NUDCD1: variants seen among roughly 807,000 people sequenced by gnomAD.
NUDCD1 encodes nudC domain-containing protein 1.
In NUDCD1, 60 loss-of-function variants were observed where a neutral mutation model predicts 67.8. The ratio of observed to expected loss-of-function variants is 0.88; its 90% CI spans 0.72 to 1.10. The LOEUF (loss-of-function observed/expected upper bound fraction) is 1.10, where lower values mean the gene tolerates loss of function less well. Among genes scored for constraint, NUDCD1 ranks in the 50% least tolerant of loss-of-function variants. The pLI is 0.00. For missense variants in NUDCD1, 643 were observed against 695.0 expected, an observed-to-expected ratio of 0.93 and a Z score of 0.84; for synonymous variants, 244 against 230.8, an observed-to-expected ratio of 1.06 and a Z score of -0.52.
At chr8:109,302,615 C>A (rs192479175) in intron 2 of NUDCD1, among the ~76,000 whole-genome samples, 64 of 152,298 alleles carry the variant, frequency 4.2e-4, no homozygotes, top group Admixed American at 2.6e-3. Context: ...AGCCCTCCCC[C>A]ACCTGCCCAA....
At chr8:109,294,202 G>A (rs77715514) in intron 3 of NUDCD1, among the ~76,000 whole-genome samples, 1 of 63,522 alleles carries the variant, frequency 1.6e-5, no homozygotes, top group African/African-American at 3.9e-5. Flanking sequence ...TTGAGAAAAA[G>A]CCTAACTGAA....
At chr8:109,271,247 T>A in intron 7 of NUDCD1, 117 bp from the exon 8 acceptor site, 2 of 610,944 alleles carry the variant, frequency 3.3e-6, no homozygotes, top group Non-Finnish European at 5.6e-6. Flanking sequence ...TGCAAACCTA[T>A]GACCAATAAA....
At chr8:109,268,202 A>G (rs935198780) in intron 8 of NUDCD1, among the ~76,000 whole-genome samples, 72 of 152,266 alleles carry the variant, frequency 4.7e-4, no homozygotes, top group African/African-American at 1.7e-3. Flanking sequence ...GCTTTTATAA[A>G]TTCCTGAGGA....
intron 1 of NUDCD1, among the ~76,000 whole-genome samples, chr8:109,330,349 T>C (rs1815778086): frequency 6.6e-6 from 1 of 152,212 alleles, no homozygotes; most frequent in Non-Finnish European, 1.5e-5. Flanking sequence ...CATCTTTACA[T>C]CTTAAATGCA....
At chr8:109,294,341 T>C (rs528096058) in intron 3 of NUDCD1, among the ~76,000 whole-genome samples, 2 of 152,208 alleles carry the variant, frequency 1.3e-5, no homozygotes, top group South Asian at 4.1e-4. Context: ...AAGTTCCCTA[T>C]GTATTTGAAC....
intron 7 of NUDCD1, among the ~76,000 whole-genome samples, chr8:109,273,072 G>T (rs1814195332): frequency 6.6e-6 from 1 of 152,180 alleles, no homozygotes; most frequent in African/African-American, 2.4e-5. Flanking sequence ...CAAGGAAATT[G>T]CAGAGAAAAG....
At chr8:109,314,147 T>C (rs1050339013) in intron 2 of NUDCD1, among the ~76,000 whole-genome samples, 2 of 152,178 alleles carry the variant, frequency 1.3e-5, no homozygotes, top group African/African-American at 4.8e-5. Flanking sequence ...CAACACTTTA[T>C]ATGCTAACTG....
chr8:109,326,105 T>C (rs1815675949), intron 1 of NUDCD1, among the ~76,000 whole-genome samples: 1 of 152,222 alleles, frequency 6.6e-6, no homozygotes. Flanking sequence ...TAGACAACGA[T>C]ATAACAAATA....
intron 1 of NUDCD1, among the ~76,000 whole-genome samples, chr8:109,323,062 CATTAGCTGCTTCCCTAGGTTTAA>C (rs1815580217): frequency 6.6e-6 from 1 of 152,178 alleles, no homozygotes; most frequent in Non-Finnish European, 1.5e-5. Context: ...TTCACTTAAG[CATTAGCTGCTTCCCTAGGTTTAA>C]ATCTAGCAAA....
intron 1 of NUDCD1, 145 bp from the exon 2 acceptor site, chr8:109,322,608 AAGAT>A: frequency 1.8e-6 from 1 of 568,308 alleles, no homozygotes; most frequent in Non-Finnish European, 3.2e-6. Flanking sequence ...CATTCTTTCA[AAGAT>A]AATTTCTGGG....
intron 2 of NUDCD1, among the ~76,000 whole-genome samples, chr8:109,319,284 T>G (rs768401125): frequency 2.0e-5 from 3 of 152,184 alleles, no homozygotes; most frequent in Non-Finnish European, 4.4e-5. Flanking sequence ...ATTTTATGTT[T>G]TTGTAAATAA....
intron 2 of NUDCD1, among the ~76,000 whole-genome samples, chr8:109,308,832 C>T (rs1239679824): frequency 6.6e-6 from 1 of 151,692 alleles, no homozygotes; most frequent in Non-Finnish European, 1.5e-5. Flanking sequence ...ATTAGCCAGG[C>T]ATGGTGGCAG....
Position 109,296,527 on chromosome 8 carries a change from T to A in NUDCD1, c.316A>T (p.Thr106Ser). Residue 106 changes from threonine to serine, a missense_variant, in exon 3 of 10, where the codon ACA becomes TCA. Physicochemically the swap from Thr to Ser is moderately conservative, Grantham distance 58. Transcript: ENST00000239690. ...GKPREVFRLPTDLTACDNRLC... is the reference protein window; with the variant it reads ...GKPREVFRLPSDLTACDNRLC... Reference sequence around the variant, plus strand: ...CGGTTGTCACATGCTGTCAAATCTGTAGGAAGTCGAAACACCTCTCGTGGT... The same window carrying A: ...CGGTTGTCACATGCTGTCAAATCTGAAGGAAGTCGAAACACCTCTCGTGGT... The A allele has an allele frequency of 1.2e-6, 2 of 1,611,072 alleles. No homozygotes were observed. Among genetic ancestry groups the A allele is most frequent in the South Asian group, 2.2e-5 (2 of 90,658 alleles).
Position 109,289,908 on chromosome 8 carries a change from C to T in NUDCD1, c.666G>A (p.Lys222=). 6.6e-7 allele frequency: 1 copy of T among 1,503,992 alleles called. No individual in the cohort carries two copies. The highest frequency in any genetic ancestry group is 8.9e-7 in the Non-Finnish European group (1 of 1,128,692). 93.2% of individuals were successfully genotyped at this position (1,503,992 alleles called of 1,614,324 possible). A position where few individuals can be genotyped will look rare whatever the true frequency, so the allele number is the denominator to read the frequency against. The change falls in exon 5 of 10, where the codon AAG becomes AAA. Residue 222 remains lysine (K), a synonymous_variant. Transcript: ENST00000239690. ...CTGACTTTCCACGGAGAATATCACGCTTAATAATTTCATATTTTTTATTAT... is the reference window on the plus strand; with the variant it reads ...CTGACTTTCCACGGAGAATATCACGTTTAATAATTTCATATTTTTTATTAT... ...NQDNKKYEII[K]RDILRGKSVP... is the part of the protein sequence containing the mutation.
intron 4 of NUDCD1, among the ~76,000 whole-genome samples, chr8:109,290,523 C>T (rs1341021103): frequency 2.0e-5 from 3 of 152,160 alleles, no homozygotes; most frequent in East Asian, 1.9e-4. Context: ...CTCTAACTCC[C>T]GATAAGGGGC....
Position 109,243,302 on chromosome 8 carries a change from C to A in NUDCD1, c.1460-1G>T. 1 of 1,569,172 alleles carries A rather than the reference C, an allele frequency of 6.4e-7. No homozygotes were observed. Among genetic ancestry groups the A allele is most frequent in the Non-Finnish European group, 8.7e-7 (1 of 1,152,432 alleles). ...TCTCTCTTTGATGCTTGGACATAGC[C>A]TGCCAAGAATATGAGACAAACAAAA... On this transcript the variant is annotated splice_acceptor_variant, in intron 9 of 9. Coordinates refer to ENST00000239690, the MANE Select transcript of NUDCD1 (RefSeq NM_032869.4). LOFTEE classifies it high-confidence loss of function.
At chr8:109,248,230 C>A (rs1193072904) in intron 8 of NUDCD1, among the ~76,000 whole-genome samples, 1 of 152,174 alleles carries the variant, frequency 6.6e-6, no homozygotes, top group Non-Finnish European at 1.5e-5. Flanking sequence ...CCCCTAGAGC[C>A]TCCAGAATGA....
intron 6 of NUDCD1, among the ~76,000 whole-genome samples, chr8:109,280,339 G>A (rs2129982286): frequency 6.6e-6 from 1 of 152,240 alleles, no homozygotes; most frequent in African/African-American, 2.4e-5. Context: ...TTAGAGACAG[G>A]GTTTTCTCTT....
At chr8:109,313,202 C>T (rs1049240513) in intron 2 of NUDCD1, among the ~76,000 whole-genome samples, 28 of 152,152 alleles carry the variant, frequency 1.8e-4, no homozygotes, top group African/African-American at 6.3e-4. Context: ...AAATCCAACT[C>T]ATTCAACCAC....
Sources: gnomAD v4.1 joint callset for allele counts (sites outside exome capture counted in the v4.1 genomes callset) on GRCh38, gnomAD v4.1.1 for gene constraint, MANE v1.5 for transcripts, NCBI Gene and HGNC (gene_info 2026-07-23, HGNC 2026-07-21) for gene names.